The following ZNF605 variants were observed in gnomAD, a reference collection of about 807,000 sequenced individuals.
ZNF605 encodes zinc finger protein 605.
ZNF605 carries 9 observed loss-of-function variants against 7.9 expected under a neutral mutation model. That is an observed-to-expected ratio of 1.14 (90% confidence interval 0.68 to 1.98). ZNF605 has a LOEUF of 1.98. ZNF605 is among the 30% of genes most tolerant of loss of function. The pLI is 0.00. For missense variants in ZNF605, 673 were observed against 762.4 expected (o/e 0.88, Z 1.38); for synonymous variants, 255 against 260.1 (o/e 0.98, Z 0.19).
Position 132,920,330 on chromosome 12 carries a change from G to C in ZNF605, c.*5043C>G, listed in dbSNP as rs560377466. ...AATTTTTTGTATTTTTAGTAGAGACGGGGTTTCACCGTGTTAGCCAGGATG... is the reference window on the plus strand; with the variant it reads ...AATTTTTTGTATTTTTAGTAGAGACCGGGTTTCACCGTGTTAGCCAGGATG... On this transcript the variant is annotated 3_prime_UTR_variant, in exon 5 of 5. Transcript: ENST00000360187. The C allele has an allele frequency of 6.6e-6, 1 of 151,762 alleles. No homozygotes were observed. The highest frequency in any genetic ancestry group is 1.5e-5 in the Non-Finnish European group (1 of 68,048). The allele number at this position is 151,762 out of a possible 1,614,324, so 9.4% of individuals were successfully genotyped here. A position where few individuals can be genotyped will look rare whatever the true frequency, so the allele number is the denominator to read the frequency against.
intron 1 of ZNF605, among the ~76,000 whole-genome samples, chr12:132,953,291 T>C (rs1952591968): frequency 6.6e-6 from 1 of 152,024 alleles, no homozygotes; most frequent in South Asian, 2.1e-4. Context: ...ACACTATGGG[T>C]TCCCCAGTGA....
In ZNF605 at chr12:132,933,485, T is replaced by G. The variant is rs1593585904; in HGVS notation, c.16-330A>C. 6.6e-6 allele frequency among the ~76,000 whole-genome samples: 1 copy of G among 152,222 alleles called. No homozygotes were observed. Among genetic ancestry groups the G allele is most frequent in the Non-Finnish European group, 1.5e-5 (1 of 68,040 alleles). On this transcript the variant is annotated intron_variant, in intron 3 of 4. Transcript: ENST00000360187. This position sits in a 1 kb window ranked among gnomAD's most constrained non-coding sequence, Gnocchi z 4.4. ...TGTGGAAGCTCATGTGCCGTGGAAC[T>G]GAGGCTTCCCAACAGCCACTGAGTG... is the stretch of plus-strand genomic sequence containing the variant.
intron 1 of ZNF605, chr12:132,948,746 G>A (rs1285363165): frequency 6.6e-5 from 10 of 152,308 alleles, no homozygotes; most frequent in African/African-American, 2.4e-4. Context: ...GAAAAAAAGA[G>A]TACAGCCAGA....
chr12:132,944,099 C>A (rs1259319057), intron 3 of ZNF605, among the ~76,000 whole-genome samples: 1 of 152,194 alleles, frequency 6.6e-6, no homozygotes, highest in African/African-American at 2.4e-5. Flanking sequence ...GCACATCTCC[C>A]TGTGACTGTC....
intron 4 of ZNF605, among the ~76,000 whole-genome samples, chr12:132,928,629 C>T (rs987295077): frequency 2.6e-5 from 4 of 152,116 alleles, no homozygotes; most frequent in Admixed American, 6.6e-5. Flanking sequence ...ATTTACTTGA[C>T]TTTTTGATGA....
chr12:132,955,173 C>T (rs1483439089), intron 1 of ZNF605, among the ~76,000 whole-genome samples: 2 of 152,194 alleles, frequency 1.3e-5, no homozygotes, highest in East Asian at 3.9e-4. Context: ...CGTGAAGCCA[C>T]GAGACTCACG....
chr12:132,945,776 TC>T lies in ZNF605; in HGVS notation c.-142del. On this transcript the variant is annotated 5_prime_UTR_variant, in exon 3 of 5. Coordinates refer to ENST00000360187, the MANE Select transcript of ZNF605 (RefSeq NM_183238.4). Reference sequence around the variant, plus strand: ...CTTCTTTCTTATCTCACATGAATTGTCTTGTTCCAGAGGGCTATTGCCTGTG... The same window carrying T: ...CTTCTTTCTTATCTCACATGAATTGTTTGTTCCAGAGGGCTATTGCCTGTG... 1 of 1,265,360 alleles carries T rather than the reference TC, an allele frequency of 7.9e-7. No homozygotes were observed. The highest frequency in any genetic ancestry group is 1.2e-6 in the Non-Finnish European group (1 of 865,384). The allele number at this position is 1,265,360 out of a possible 1,614,324, so 78.4% of individuals were successfully genotyped here. A position where few individuals can be genotyped will look rare whatever the true frequency, so the allele number is the denominator to read the frequency against.
At position 132,935,416 on chromosome 12, in the gene ZNF605, G is replaced by C. The variant is rs914033085; in HGVS notation, c.16-2261C>G. On this transcript the variant is annotated intron_variant, in intron 3 of 4. Transcript: ENST00000360187. ...GGTGTGTGGGCTCAACTCCAGTATA[G>C]ATGTGTTTTGCAAAAACCTTAAGCA... is the stretch of plus-strand genomic sequence containing the variant. Among the ~76,000 whole-genome samples, 498 of 152,264 alleles carry C rather than the reference G, an allele frequency of 3.3e-3. 2 individuals carry two copies. The highest frequency in any genetic ancestry group is 0.031 in the Middle Eastern group (9 of 294).
intron 3 of ZNF605, among the ~76,000 whole-genome samples, chr12:132,939,396 G>A (rs1262604719): frequency 7.2e-5 from 11 of 152,054 alleles, no homozygotes; most frequent in Non-Finnish European, 4.4e-5. Context: ...TACACCAATC[G>A]GCACTCTGTA....
intron 1 of ZNF605, among the ~76,000 whole-genome samples, chr12:132,949,543 C>T (rs922010093): frequency 2.6e-5 from 4 of 152,062 alleles, no homozygotes; most frequent in African/African-American, 7.2e-5. Flanking sequence ...GGGTACCCTA[C>T]GGGTGGTGTT....
At chr12:132,954,365 CG>C (rs1952609299) in intron 1 of ZNF605, among the ~76,000 whole-genome samples, 8 of 37,278 alleles carry the variant, frequency 2.1e-4, no homozygotes, top group Non-Finnish European at 3.0e-4. Context: ...GGGTGGGGAG[CG>C]GGGGAGAAGG....
At chr12:132,938,945 C>G (rs1283906808) in intron 3 of ZNF605, among the ~76,000 whole-genome samples, 1 of 152,044 alleles carries the variant, frequency 6.6e-6, no homozygotes, top group African/African-American at 2.4e-5. Context: ...TGCTGGCCCA[C>G]CGGCGCTGCG....
chr12:132,933,242 T>C lies in ZNF605; in HGVS notation c.16-87A>G. On this transcript the variant is annotated intron_variant, in intron 3 of 4. Transcript: ENST00000360187. The surrounding 1 kb of genome is among the most constrained non-coding windows in gnomAD (Gnocchi z 4.4). ...TCTTCTGTATTTGTGGTAGGTGGCC[T>C]CTAAGATGGCCCCAGTGACCTCTGA... 6.9e-7 allele frequency: 1 copy of C among 1,453,242 alleles called. No homozygotes were observed. The highest frequency in any genetic ancestry group is 9.2e-7 in the Non-Finnish European group (1 of 1,082,214). The allele number at this position is 1,453,242 out of a possible 1,614,324, so 90.0% of individuals were successfully genotyped here.
At position 132,922,633 on chromosome 12, in the gene ZNF605, CAATT is replaced by C. The variant is rs531085368; in HGVS notation, c.*2736_*2739del. On this transcript the variant is annotated 3_prime_UTR_variant, in exon 5 of 5. Transcript: ENST00000360187. ...CACACTCAGAATATTAACTCAAGAA[CAATT>C]AATAAAGGCACTATTTACAAATATG... 5.6e-4 allele frequency: 86 copies of C among 152,238 alleles called. No homozygotes were observed. The highest frequency in any genetic ancestry group is 2.0e-3 in the African/African-American group (83 of 41,546). The allele number at this position is 152,238 out of a possible 1,614,324, so 9.4% of individuals were successfully genotyped here.
At chr12:132,934,642 G>A (rs1473383869) in intron 3 of ZNF605, among the ~76,000 whole-genome samples, 2 of 148,814 alleles carry the variant, frequency 1.3e-5, no homozygotes, top group African/African-American at 5.0e-5. Flanking sequence ...GAAGGTAGAG[G>A]TTGCAGTGAG....
intron 4 of ZNF605, among the ~76,000 whole-genome samples, chr12:132,928,727 G>C (rs1324094952): frequency 2.0e-5 from 3 of 152,160 alleles, no homozygotes; most frequent in Non-Finnish European, 4.4e-5. Flanking sequence ...TATAAAACGA[G>C]GCTGGGCCTG....
At chr12:132,954,986 T>G (rs1952620575) in intron 1 of ZNF605, among the ~76,000 whole-genome samples, 1 of 151,986 alleles carries the variant, frequency 6.6e-6, no homozygotes, top group Non-Finnish European at 1.5e-5. Context: ...CACCCCATAC[T>G]CGCCTCCGCT....
intron 4 of ZNF605, among the ~76,000 whole-genome samples, chr12:132,928,891 C>T (rs770986): frequency 0.47 from 71,751 of 151,308 alleles, 17,936 homozygotes; most frequent in Middle Eastern, 0.57. Context: ...GTGGTGCACA[C>T]GTGAAGTCCC....
chr12:132,955,726 G>A (rs1952630086), intron 1 of ZNF605, among the ~76,000 whole-genome samples: 2 of 151,922 alleles, frequency 1.3e-5, no homozygotes, highest in African/African-American at 4.8e-5. Context: ...CCCCGCAGAA[G>A]CCTCATCATT....
Sources: allele counts gnomAD v4.1 joint callset (sites outside exome capture counted in the v4.1 genomes callset), GRCh38; gene constraint gnomAD v4.1.1; non-coding constraint Gnocchi (gnomAD v3.1); transcripts MANE v1.5; gene names NCBI Gene and HGNC (gene_info 2026-07-23, HGNC 2026-07-21).